The following TAB2 variants were observed in gnomAD, a reference collection of about 807,000 sequenced individuals.
TAB2 encodes the protein TGF-beta activated kinase 1 (MAP3K7) binding protein 2.
Under a neutral mutation model 65.0 loss-of-function variants are expected in TAB2, and 3 were observed. The ratio of observed to expected loss-of-function variants is 0.05; its 90% confidence interval spans 0.02 to 0.12. The LOEUF (loss-of-function observed/expected upper bound fraction) is 0.12. Ranked by LOEUF, TAB2 falls within the 10% of genes least tolerant of loss-of-function variation. The pLI is 1.00. For synonymous variants in TAB2, 298 were observed against 285.1 expected, an observed-to-expected ratio of 1.05 and a Z score of -0.46; for missense variants, 623 against 840.3, an observed-to-expected ratio of 0.74 and a Z score of 3.20.
chr6:149,293,946 C>G (rs1778828026), intron 1 of TAB2, among the ~76,000 whole-genome samples: 1 of 151,988 alleles, frequency 6.6e-6, no homozygotes, highest in Non-Finnish European at 1.5e-5. Context: ...GAGTATCAAA[C>G]ACTCAGTAGC....
chr6:149,393,121 G>T (rs1430687030), intron 3 of TAB2, among the ~76,000 whole-genome samples: 1 of 152,096 alleles, frequency 6.6e-6, no homozygotes, highest in Non-Finnish European at 1.5e-5. Flanking sequence ...AGAAAAAATT[G>T]CTAAGAAATA....
At chr6:149,389,417 G>A (rs550848354) in intron 3 of TAB2, among the ~76,000 whole-genome samples, 110 of 152,028 alleles carry the variant, frequency 7.2e-4, no homozygotes, top group Non-Finnish European at 1.4e-3. Flanking sequence ...AGCCCGAGGC[G>A]GGTAGATCAC....
intron 1 of TAB2, among the ~76,000 whole-genome samples, chr6:149,311,449 G>A (rs1583078361): frequency 1.3e-5 from 2 of 152,304 alleles, no homozygotes; most frequent in East Asian, 3.9e-4. Flanking sequence ...GCCATTAATA[G>A]TTGTTTGAAA....
intron 2 of TAB2, among the ~76,000 whole-genome samples, chr6:149,370,392 C>G (rs988651540): frequency 3.0e-4 from 46 of 152,194 alleles, no homozygotes; most frequent in South Asian, 6.2e-4. Flanking sequence ...TAACTTTTCT[C>G]CCACCTGTTC....
chr6:149,239,676 G>A (rs547316614), intron 1 of TAB2, among the ~76,000 whole-genome samples: 130 of 152,304 alleles, frequency 8.5e-4, no homozygotes, highest in Admixed American at 9.8e-4. Context: ...TTAACAAGGG[G>A]TGAATTATCT....
intron 1 of TAB2, among the ~76,000 whole-genome samples, chr6:149,285,489 C>T (rs1778661021): frequency 6.6e-6 from 1 of 152,222 alleles, no homozygotes; most frequent in African/African-American, 2.4e-5. Context: ...TACATTTCCA[C>T]TTGTTGCCCC....
chr6:149,273,437 G>A (rs993402075), intron 1 of TAB2, among the ~76,000 whole-genome samples: 1 of 152,196 alleles, frequency 6.6e-6, no homozygotes, highest in African/African-American at 2.4e-5. Context: ...GGAGGAAGCT[G>A]CCCTGTCAGT....
intron 1 of TAB2, among the ~76,000 whole-genome samples, chr6:149,278,862 T>C (rs1028860003): frequency 6.6e-6 from 1 of 152,146 alleles, no homozygotes; most frequent in African/African-American, 2.4e-5. Context: ...GAGGATCACT[T>C]GAGCCCAGGA....
chr6:149,315,371 G>GT (rs1779231321), upstream of TAB2, among the ~76,000 whole-genome samples: 1 of 152,158 alleles, frequency 6.6e-6, no homozygotes, highest in Non-Finnish European at 1.5e-5. Flanking sequence ...GTATATGTGT[G>GT]TAACAGATGT....
At chr6:149,298,416 C>T (rs928288229) in intron 1 of TAB2, among the ~76,000 whole-genome samples, 1 of 152,160 alleles carries the variant, frequency 6.6e-6, no homozygotes, top group Non-Finnish European at 1.5e-5. Flanking sequence ...TGGCTTGAGC[C>T]TGGAGTTTGA....
chr6:149,409,261 A>G (rs908762634), intron 6 of TAB2, among the ~76,000 whole-genome samples: 4 of 152,206 alleles, frequency 2.6e-5, no homozygotes, highest in Admixed American at 6.5e-5. Context: ...GCTTTTTACA[A>G]TCTTGAGTGG....
chr6:149,274,155 T>C (rs1167039321), intron 1 of TAB2, among the ~76,000 whole-genome samples: 1 of 152,218 alleles, frequency 6.6e-6, no homozygotes, highest in Non-Finnish European at 1.5e-5. Flanking sequence ...CCCAGAACCA[T>C]CAATTTTCCA....
intron 1 of TAB2, among the ~76,000 whole-genome samples, chr6:149,276,848 T>A (rs2114681623): frequency 6.6e-6 from 1 of 152,338 alleles, no homozygotes; most frequent in East Asian, 1.9e-4. Flanking sequence ...CTGATATGGT[T>A]TGGCTGTGTC....
At chr6:149,292,813 T>C (rs977531728) in intron 1 of TAB2, among the ~76,000 whole-genome samples, 1 of 152,218 alleles carries the variant, frequency 6.6e-6, no homozygotes, top group Admixed American at 6.5e-5. Flanking sequence ...GCTAACCGTA[T>C]GACCAATTTC....
chr6:149,391,500 G>A (rs1011423316), intron 3 of TAB2, among the ~76,000 whole-genome samples: 6 of 151,170 alleles, frequency 4.0e-5, no homozygotes, highest in Middle Eastern at 3.4e-3. Flanking sequence ...TCTATTTCTC[G>A]TTACATCTTC....
intron 1 of TAB2, among the ~76,000 whole-genome samples, chr6:149,226,764 T>C (rs1435815876): frequency 3.9e-5 from 6 of 152,240 alleles, no homozygotes; most frequent in Non-Finnish European, 8.8e-5. Flanking sequence ...AATGTACTTT[T>C]ATCCCAGTGT....
chr6:149,273,833 A>C (rs943476950), intron 1 of TAB2, among the ~76,000 whole-genome samples: 12 of 152,212 alleles, frequency 7.9e-5, no homozygotes, highest in African/African-American at 2.9e-4. Context: ...CAGAAGTCTG[A>C]CCTGTAATGG....
At chr6:149,349,156 C>CA (rs1488881936) in intron 1 of TAB2, among the ~76,000 whole-genome samples, 1 of 152,020 alleles carries the variant, frequency 6.6e-6, no homozygotes, top group Non-Finnish European at 1.5e-5. Flanking sequence ...CGCCATGTCT[C>CA]ACGCCTGTAA....
chr6:149,331,741 G>T, intron 1 of TAB2, among the ~76,000 whole-genome samples: 1 of 152,040 alleles, frequency 6.6e-6, no homozygotes. Flanking sequence ...ATCATGAGTA[G>T]GTCTTCAATT....
Sources: allele counts gnomAD v4.1 joint callset (sites outside exome capture counted in the v4.1 genomes callset), GRCh38; gene constraint gnomAD v4.1.1; transcripts MANE v1.5; gene names NCBI Gene and HGNC (gene_info 2026-07-23, HGNC 2026-07-21).